Variants in LRP1B observed in about 807,000 individuals in gnomAD.
LRP1B encodes the protein LDL receptor related protein 1B, also known as low-density lipoprotein receptor-related protein 1B.
A neutral mutation model predicts 556.6 loss-of-function variants in LRP1B; 217 were observed. That is an observed-to-expected ratio of 0.39 (90% CI 0.35 to 0.44). The LOEUF is 0.44. LRP1B is among the 20% of genes least tolerant of loss of function. The probability of loss-of-function intolerance (pLI) is 1.00; values close to 1 mark genes in which losing one functional copy is unlikely to be tolerated. For missense variants in LRP1B, 5,053 were observed against 5,620.8 expected (o/e 0.90, Z 3.23); for synonymous variants, 2,047 against 1,865.8 (o/e 1.10, Z -2.50).
intron 1 of LRP1B, among the ~76,000 whole-genome samples, chr2:141,874,259 A>T (rs1340691772): frequency 7.2e-5 from 11 of 151,890 alleles, no homozygotes; most frequent in Admixed American, 7.2e-4. Context: ...AGTTAAAATA[A>T]TCCTAAATTT....
chr2:142,036,294 T>C (rs1703875047), intron 1 of LRP1B, among the ~76,000 whole-genome samples: 2 of 151,852 alleles, frequency 1.3e-5, no homozygotes, highest in South Asian at 2.1e-4. Flanking sequence ...GAGAAAGTCA[T>C]GTAAATCATT....
At chr2:141,639,954 A>G (rs1222472907) in intron 2 of LRP1B, among the ~76,000 whole-genome samples, 1 of 152,194 alleles carries the variant, frequency 6.6e-6, no homozygotes, top group Admixed American at 6.5e-5. Flanking sequence ...AAGAAAACGC[A>G]ATGGTAGCTC....
intron 3 of LRP1B, among the ~76,000 whole-genome samples, chr2:141,274,965 T>C (rs910046665): frequency 9.2e-5 from 14 of 152,150 alleles, no homozygotes; most frequent in African/African-American, 3.1e-4. Flanking sequence ...AGGAAGCTTA[T>C]ACAGAAGCAA....
chr2:140,823,395 CT>C (rs1691393988), intron 31 of LRP1B, among the ~76,000 whole-genome samples: 1 of 152,016 alleles, frequency 6.6e-6, no homozygotes, highest in South Asian at 2.1e-4. Context: ...ACAATAATTG[CT>C]TGCAATAAGT....
chr2:140,643,036 G>A (rs2105303575), intron 41 of LRP1B, among the ~76,000 whole-genome samples: 1 of 151,370 alleles, frequency 6.6e-6, no homozygotes, highest in South Asian at 2.1e-4. Flanking sequence ...TGTTTTATAT[G>A]ATGTAATATG....
At chr2:141,325,613 A>G (rs886916319) in intron 3 of LRP1B, among the ~76,000 whole-genome samples, 2 of 152,058 alleles carry the variant, frequency 1.3e-5, no homozygotes, top group African/African-American at 4.8e-5. Context: ...AATCTAGGTA[A>G]AAGTGAAATA....
rs887846156 is a variant in LRP1B, at chr2:140,709,210, G to A, written c.6024-6657C>T. Among the ~76,000 whole-genome samples the A allele has an allele frequency of 3.3e-5, 5 of 152,122 alleles. No individual in the cohort carries two copies. The East Asian group carries it at 9.6e-4, about 29-fold the overall frequency. ...ATTAAGAGAGAAAACATGTATCCTG[G>A]TGCTTAAAAGGAAATAAAATTACAG... On this transcript the variant is annotated intron_variant, in intron 37 of 90. Transcript: ENST00000389484.
At chr2:140,891,102 G>A (rs1307320406) in intron 23 of LRP1B, among the ~76,000 whole-genome samples, 1 of 152,008 alleles carries the variant, frequency 6.6e-6, no homozygotes. Context: ...TTCTCCTTTA[G>A]CATATTATAA....
At chr2:141,019,353 A>C (rs565741777) in intron 12 of LRP1B, among the ~76,000 whole-genome samples, 4 of 152,154 alleles carry the variant, frequency 2.6e-5, no homozygotes, top group African/African-American at 4.8e-5. Flanking sequence ...AAAGTCATAT[A>C]GACAGGCTTC....
intron 3 of LRP1B, among the ~76,000 whole-genome samples, chr2:141,363,154 G>A (rs1425759583): frequency 6.6e-6 from 1 of 152,022 alleles, no homozygotes; most frequent in Non-Finnish European, 1.5e-5. Context: ...TCTGATATAT[G>A]ACATACTTCT....
chr2:141,125,681 T>A (rs1265407898), intron 7 of LRP1B, among the ~76,000 whole-genome samples: 2 of 152,040 alleles, frequency 1.3e-5, no homozygotes, highest in Non-Finnish European at 2.9e-5. Context: ...TGTCTCACAA[T>A]GGGAGAAACG....
At chr2:140,326,518 C>T (rs1432403791) in intron 79 of LRP1B, among the ~76,000 whole-genome samples, 1 of 151,176 alleles carries the variant, frequency 6.6e-6, no homozygotes, top group Non-Finnish European at 1.5e-5. Context: ...GAGATTGAGA[C>T]CAGCTGGCCA....
intron 2 of LRP1B, among the ~76,000 whole-genome samples, chr2:141,658,781 G>T (rs1690106485): frequency 6.6e-6 from 1 of 152,174 alleles, no homozygotes; most frequent in Admixed American, 6.5e-5. Context: ...ACATGGCAAA[G>T]ATTGAGTTTT....
At chr2:141,429,793 C>T (rs1377024986) in intron 3 of LRP1B, among the ~76,000 whole-genome samples, 1 of 152,116 alleles carries the variant, frequency 6.6e-6, no homozygotes, top group Non-Finnish European at 1.5e-5. Flanking sequence ...CCTCCTGCTC[C>T]ATCCATGTCC....
Position 141,482,082 on chromosome 2 carries a change from T to C in LRP1B, c.206-1549A>G, listed in dbSNP as rs1198452125. 3.3e-5 allele frequency among the ~76,000 whole-genome samples: 5 copies of C among 152,184 alleles called. No homozygotes were observed. The East Asian group carries it at 9.7e-4, about 29-fold the overall frequency. On this transcript the variant is annotated intron_variant, in intron 2 of 90. Coordinates refer to ENST00000389484, the MANE Select transcript of LRP1B (RefSeq NM_018557.3). ...AAGGCCAATCTAACATATTTTAGGA[T>C]ATGCAAAATTGTGAGAATTGCAGAA...
chr2:141,048,655 C>T (rs183024670), intron 11 of LRP1B, among the ~76,000 whole-genome samples: 2 of 152,094 alleles, frequency 1.3e-5, no homozygotes, highest in African/African-American at 4.8e-5. Flanking sequence ...CTCTGAAATC[C>T]TATTAAATTT....
At chr2:140,916,389 C>A (rs1000460013) in intron 21 of LRP1B, among the ~76,000 whole-genome samples, 12 of 152,190 alleles carry the variant, frequency 7.9e-5, no homozygotes, top group Non-Finnish European at 1.0e-4. Context: ...ACAAAACAAT[C>A]CAAAAATAGA....
chr2:141,304,511 G>A (rs571900104), intron 3 of LRP1B, among the ~76,000 whole-genome samples: 6 of 114,284 alleles, frequency 5.3e-5, no homozygotes, highest in African/African-American at 7.0e-5. Context: ...ATGGAGTCTC[G>A]TTCTGCCACC....
At chr2:140,928,571 C>T (rs1252805177) in intron 20 of LRP1B, among the ~76,000 whole-genome samples, 1 of 152,068 alleles carries the variant, frequency 6.6e-6, no homozygotes, top group East Asian at 1.9e-4. Context: ...AATTCATTGA[C>T]CAAACCTCAT....
Sources: allele counts gnomAD v4.1 joint callset (sites outside exome capture counted in the v4.1 genomes callset), GRCh38; gene constraint gnomAD v4.1.1; transcripts MANE v1.5; gene names NCBI Gene and HGNC (gene_info 2026-07-23, HGNC 2026-07-21).